FAM83H: variants seen among roughly 807,000 people sequenced by gnomAD.
The protein encoded by FAM83H is protein FAM83H.
FAM83H carries 24 observed loss-of-function variants against 30.2 expected under a neutral mutation model. That is an observed-to-expected ratio of 0.79 (90% CI 0.57 to 1.12). The LOEUF is 1.12. Ranked by LOEUF, FAM83H falls within the 50% of genes most tolerant of loss-of-function variation. The pLI, the probability that FAM83H is intolerant of heterozygous loss-of-function variation, is 0.00. For missense variants in FAM83H, 2,038 were observed against 1,773.9 expected, an observed-to-expected ratio of 1.15 and a Z score of -2.67; for synonymous variants, 1,013 against 821.7, an observed-to-expected ratio of 1.23 and a Z score of -3.98.
rs1248036038 is a variant in FAM83H, at chr8:143,728,297, C to A, written c.1164G>T (p.Gly388=). The part of the protein sequence containing the change: ...RRLEAEAGPA[G]ELAGARGFFQ... Reference sequence around the variant, plus strand: ...AGAAGCCCCGCGCGCCCGCGAGCTCCCCAGCCGGCCCGGCCTCGGCCTCCA... The same window carrying A: ...AGAAGCCCCGCGCGCCCGCGAGCTCACCAGCCGGCCCGGCCTCGGCCTCCA... The change falls in exon 5 of 5, where the codon GGG becomes GGT. Residue 388 remains glycine (G), a synonymous_variant. Coordinates refer to ENST00000388913, the MANE Select transcript of FAM83H (RefSeq NM_198488.5). The A allele has an allele frequency of 3.4e-6, 5 of 1,476,638 alleles. No homozygotes were observed. The highest frequency in any genetic ancestry group is 1.5e-5 in the African/African-American group (1 of 67,564). 91.5% of individuals were successfully genotyped at this position (1,476,638 alleles called of 1,614,324 possible).
Position 143,725,791 on chromosome 8 carries a change from CAAGCCCCAAGCGGCCGTGGCCTGA to C in FAM83H, c.*106_*129del. On this transcript the variant is annotated 3_prime_UTR_variant, in exon 5 of 5. Transcript: ENST00000388913. ...GGAGCCGAGGTCTGGCGCACTCAGC[CAAGCCCCAAGCGGCCGTGGCCTGA>C]CAGCCGCTGCTCAAGCAGATGAGCA... The C allele has an allele frequency of 6.7e-7, 1 of 1,502,114 alleles. No homozygotes were observed. Among genetic ancestry groups the C allele is most frequent in the South Asian group, 1.2e-5 (1 of 81,312 alleles). The allele number at this position is 1,502,114 out of a possible 1,614,324, so 93.0% of individuals were successfully genotyped here. A position where few individuals can be genotyped will look rare whatever the true frequency, so the allele number is the denominator to read the frequency against.
At position 143,724,259 on chromosome 8, in the gene FAM83H, T is replaced by C. The variant is rs1818201963; in HGVS notation, c.*1662A>G. 6.6e-6 allele frequency: 1 copy of C among 152,100 alleles called. No homozygotes were observed. Among genetic ancestry groups the C allele is most frequent in the African/African-American group, 2.4e-5 (1 of 41,412 alleles). 9.4% of individuals were successfully genotyped at this position (152,100 alleles called of 1,614,324 possible). ...GGGCTGTGCAGGAGTGAAAGTGGGG[T>C]CACTTTCCTTCCTTTCCCAGCTGCT... On this transcript the variant is annotated 3_prime_UTR_variant, in exon 5 of 5. Coordinates refer to ENST00000388913, the MANE Select transcript of FAM83H (RefSeq NM_198488.5).
chr8:143,732,339 G>A, intron 1 of FAM83H: 1 of 985,422 alleles, frequency 1.0e-6, no homozygotes, highest in East Asian at 1.1e-4. Flanking sequence ...TTGTGCCAGG[G>A]GCAGATCGAG....
rs782037256 is a variant in FAM83H at position 143,727,545 on chromosome 8, T to C, written c.1916A>G (p.Lys639Arg). The C allele has an allele frequency of 3.2e-6, 5 of 1,586,482 alleles. No individual in the cohort carries two copies. The highest frequency in any genetic ancestry group is 4.3e-6 in the Non-Finnish European group (5 of 1,173,632). Residue 639 changes from lysine (K) to arginine (R), a missense_variant, in exon 5 of 5, where the codon AAG becomes AGG. Lys to Arg is a conservative substitution (Grantham distance 26). Coordinates refer to ENST00000388913, the MANE Select transcript of FAM83H (RefSeq NM_198488.5). ...AFRVPAAFPTKVPVPGPGSGG... is the reference protein window; with the variant it reads ...AFRVPAAFPTRVPVPGPGSGG... ...GCTGCCCGGGCCTGGCACCGGGACC[T>C]TGGTGGGGAAGGCTGCTGGGACGCG...
intron 1 of FAM83H, chr8:143,731,968 C>T (rs1818537578): frequency 2.0e-6 from 2 of 985,464 alleles, no homozygotes; most frequent in South Asian, 9.4e-5. Context: ...TCCCACTGCT[C>T]CTCGGGTTGG....
In FAM83H at chr8:143,726,819, C is replaced by T. The variant is rs782190692; in HGVS notation, c.2642G>A (p.Ser881Asn). 5 of 1,612,946 alleles carry T rather than the reference C, an allele frequency of 3.1e-6. No individual in the cohort carries two copies. The East Asian group carries it at 6.7e-5, about 22-fold the overall frequency. The change falls in exon 5 of 5, where the codon AGC becomes AAC. Residue 881 changes from serine (S) to asparagine (N), a missense_variant. Coordinates refer to ENST00000388913, the MANE Select transcript of FAM83H (RefSeq NM_198488.5). The part of the protein sequence containing the change: ...PTSAYPERKG[S>N]PTPGFSTRRG... ...TCGAGTGGAAAACCCAGGCGTGGGG[C>T]TCCCCTTCCGCTCAGGGTAAGCCGA...
rs1320932082 is a variant in FAM83H at position 143,727,684 on chromosome 8, C to T, written c.1777G>A (p.Glu593Lys). ...LASYLSGCHG[E>K]DGGDDGLPAP... ...GGTAGGCCGTCGTCGCCCCCATCCT[C>T]GCCGTGGCAGCCGCTCAAGTAGGAG... The change falls in exon 5 of 5, where the codon GAG becomes AAG. Residue 593 changes from glutamate to lysine, a missense_variant. Coordinates refer to ENST00000388913, the MANE Select transcript of FAM83H (RefSeq NM_198488.5). 24 of 1,563,770 alleles carry T rather than the reference C, an allele frequency of 1.5e-5. No individual in the cohort carries two copies. The Admixed American group carries it at 2.9e-4, about 19-fold the overall frequency.
At position 143,728,002 on chromosome 8, in the gene FAM83H, C is replaced by A; in HGVS notation, c.1459G>T (p.Asp487Tyr). ...RGGRAGFADP[D>Y]DFTLGAGPRF... ...GGCCCGGCGCCCAGGGTGAAGTCAT[C>A]CGGGTCCGCGAAACCCGCGCGGCCC... The change falls in exon 5 of 5, where the codon GAT (aspartate) becomes TAT (tyrosine). Residue 487 changes from aspartate to tyrosine, a missense_variant. Asp to Tyr is a radical substitution (Grantham distance 160, BLOSUM62 -3). Transcript: ENST00000388913. The A allele has an allele frequency of 1.3e-6, 2 of 1,594,540 alleles. No individual in the cohort carries two copies. The highest frequency in any genetic ancestry group is 1.7e-5 in the Admixed American group (1 of 58,500).
rs782214018 is a variant in FAM83H, at chr8:143,730,260, T to G, written c.323A>C (p.Asp108Ala). Residue 108 changes from aspartate to alanine, a missense_variant, in exon 2 of 5, where the codon GAT becomes GCT. Asp to Ala is a moderately radical substitution (Grantham distance 126). Coordinates refer to ENST00000388913, the MANE Select transcript of FAM83H (RefSeq NM_198488.5). Reference protein sequence around the residue: ...VNSDQAVPELDLGWPLTFGFQ... With the variant: ...VNSDQAVPELALGWPLTFGFQ... Reference sequence around the variant, plus strand: ...GCCGAAGGTCAGAGGCCAGCCCAAATCAAGCTCAGGCACGGCCTGGTCTGA... The same window carrying G: ...GCCGAAGGTCAGAGGCCAGCCCAAAGCAAGCTCAGGCACGGCCTGGTCTGA... 44 of 1,613,336 alleles carry G rather than the reference T, an allele frequency of 2.7e-5. No homozygotes were observed. The South Asian group carries it at 3.7e-4, about 14-fold the overall frequency.
chr8:143,730,633 G>C, intron 1 of FAM83H, 36 bp from the exon 2 acceptor site: 1 of 1,399,192 alleles, frequency 7.1e-7, no homozygotes, highest in Non-Finnish European at 9.6e-7. Context: ...TAGGGGTGGG[G>C]GCACTGGGAC....
chr8:143,733,666 T>A lies in FAM83H; in HGVS notation c.-16+25A>T, dbSNP rs1818616156. The A allele has an allele frequency of 6.7e-6, 1 of 149,192 alleles. No individual in the cohort carries two copies. 9.2% of individuals were successfully genotyped at this position (149,192 alleles called of 1,614,324 possible). On this transcript the variant is annotated intron_variant, in intron 1 of 4. Transcript: ENST00000388913. The surrounding 1 kb of genome is among the most constrained non-coding windows in gnomAD (Gnocchi z 5.6). ...CGCCCCCCGCCTCGCCCCGCCCCGC[T>A]CGGGCCGGGGGAGGGGGGCCCTACC...
rs1818236056 is a variant in FAM83H at position 143,725,156 on chromosome 8, C to CAGG, written c.*764_*765insCCT. 1 of 37,534 alleles carries CAGG rather than the reference C, an allele frequency of 2.7e-5. No individual in the cohort carries two copies. The highest frequency in any genetic ancestry group is 1.4e-4 in the African/African-American group (1 of 7,312). 2.3% of individuals were successfully genotyped at this position (37,534 alleles called of 1,614,324 possible). A position where few individuals can be genotyped will look rare whatever the true frequency, so the allele number is the denominator to read the frequency against. On this transcript the variant is annotated 3_prime_UTR_variant, in exon 5 of 5. Transcript: ENST00000388913. ...AAGCCCAGGCGGGGGAGGGGGGAGACGGGGGGGGGGGGGGGGGAGGGAAGG... is the reference window on the plus strand; with the variant it reads ...AAGCCCAGGCGGGGGAGGGGGGAGACAGGGGGGGGGGGGGGGGGGGAGGGAAGG...
rs1818361531 is a variant in FAM83H at position 143,727,831 on chromosome 8, G to A, written c.1630C>T (p.Leu544=). Residue 544 remains leucine, a synonymous_variant, in exon 5 of 5, where the codon CTG becomes TTG. Transcript: ENST00000388913. ...LEPSGAPRPN[L]TQRFPCQAAA... ...GCCTGGCATGGGAAGCGCTGGGTCA[G>A]GTTGGGGCGCGGGGCTCCGCTGGGC... 1.5e-6 allele frequency: 2 copies of A among 1,325,220 alleles called. No individual in the cohort carries two copies. Among genetic ancestry groups the A allele is most frequent in the Non-Finnish European group, 9.6e-7 (1 of 1,046,012 alleles). 82.1% of individuals were successfully genotyped at this position (1,325,220 alleles called of 1,614,324 possible).
In FAM83H at chr8:143,728,349, G is replaced by A; in HGVS notation, c.1112C>T (p.Ala371Val). Residue 371 changes from alanine (A) to valine (V), a missense_variant, in exon 5 of 5, where the codon GCG (alanine) becomes GTG (valine). Ala to Val is a moderately conservative substitution (Grantham distance 64). Coordinates refer to ENST00000388913, the MANE Select transcript of FAM83H (RefSeq NM_198488.5). The stretch of plus-strand genomic sequence containing the variant: ...GCGCCGCGAGAGCGGCCGCAGCCCC[G>A]CGTGCGGTTCCAGCGCGCCCCCCGG... ...RMPGGALEPH[A>V]GLRPLSRRLE... The A allele has an allele frequency of 6.5e-7, 1 of 1,529,102 alleles. No homozygotes were observed. Among genetic ancestry groups the A allele is most frequent in the Non-Finnish European group, 8.8e-7 (1 of 1,137,084 alleles). 94.7% of individuals were successfully genotyped at this position (1,529,102 alleles called of 1,614,324 possible).
chr8:143,728,495 G>C lies in FAM83H; in HGVS notation c.966C>G (p.Phe322Leu), dbSNP rs782136856. Residue 322 changes from phenylalanine (F) to leucine (L), a missense_variant, in exon 5 of 5, where the codon TTC becomes TTG. Physicochemically the swap from Phe to Leu is conservative, Grantham distance 22 (BLOSUM62 0). Transcript: ENST00000388913. ...PGVGAPTPFS[F>L]PKRAHLLFPP... ...GGAACAGGAGGTGCGCTCGTTTAGG[G>C]AAGGAGAAGGGGGTTGGCGCCCCGA... 4 of 1,555,928 alleles carry C rather than the reference G, an allele frequency of 2.6e-6. No individual in the cohort carries two copies. The highest frequency in any genetic ancestry group is 3.9e-5 in the Admixed American group (2 of 51,556).
rs782136025 is a variant in FAM83H at position 143,730,194 on chromosome 8, G to A, written c.389C>T (p.Pro130Leu). The A allele has an allele frequency of 5.0e-6, 8 of 1,610,020 alleles. No individual in the cohort carries two copies. Among genetic ancestry groups the A allele is most frequent in the African/African-American group, 1.3e-5 (1 of 74,874 alleles). ...ATCCTTGATACTGGGGCTGTCGGGG[G>A]GCGGTGGCTGCACCAAGGTGGTCAC... ...TEVTTLVQPPPPDSPSIKDEA... is the reference protein window; with the variant it reads ...TEVTTLVQPPLPDSPSIKDEA... The change falls in exon 2 of 5, where the codon CCC (proline) becomes CTC (leucine). Residue 130 changes from proline to leucine, a missense_variant. Physicochemically the swap from Pro to Leu is moderately conservative, Grantham distance 98. Transcript: ENST00000388913.
At chr8:143,732,299 T>C (rs1818550065) in intron 1 of FAM83H, 1 of 985,362 alleles carries the variant, frequency 1.0e-6, no homozygotes, top group Non-Finnish European at 1.2e-6. Context: ...ATGGTTGACA[T>C]ATGGGGCTGG....
In FAM83H at chr8:143,728,927, A is replaced by G. The variant is rs782507260; in HGVS notation, c.737+40T>C. 7 of 1,612,382 alleles carry G rather than the reference A, an allele frequency of 4.3e-6. No individual in the cohort carries two copies. In the Admixed American group the frequency reaches 1.0e-4, roughly 23 times the overall value. ...AAGGGGGTGCTGGGGTTACAGGAGG[A>G]GGCCCCAGAGAAGGGGGTGAGGGAG... On this transcript the variant is annotated intron_variant, in intron 4 of 4. Coordinates refer to ENST00000388913, the MANE Select transcript of FAM83H (RefSeq NM_198488.5).
Position 143,725,810 on chromosome 8 carries a change from G to A in FAM83H, c.*111C>T, listed in dbSNP as rs567741107. ...CTCAGCCAAGCCCCAAGCGGCCGTG[G>A]CCTGACAGCCGCTGCTCAAGCAGAT... On this transcript the variant is annotated 3_prime_UTR_variant, in exon 5 of 5. Transcript: ENST00000388913. 1.3e-6 allele frequency: 2 copies of A among 1,534,916 alleles called. No individual in the cohort carries two copies. The highest frequency in any genetic ancestry group is 1.4e-5 in the African/African-American group (1 of 72,876).
Sources: allele counts gnomAD v4.1 joint callset, GRCh38; gene constraint gnomAD v4.1.1; non-coding constraint Gnocchi (gnomAD v3.1); transcripts MANE v1.5; gene names NCBI Gene and HGNC (gene_info 2026-07-23, HGNC 2026-07-21).